Variants in COG5 observed in about 807,000 individuals in gnomAD.
COG5 encodes the protein conserved oligomeric Golgi complex subunit 5.
Under a neutral mutation model 110.4 loss-of-function variants are expected in COG5, and 86 were observed. That is an observed-to-expected ratio of 0.78 (90% confidence interval 0.65 to 0.93). The LOEUF (loss-of-function observed/expected upper bound fraction) is 0.93, where lower values mean the gene tolerates loss of function less well. Ranked by LOEUF, COG5 falls within the 40% of genes least tolerant of loss-of-function variation. COG5 has a pLI of 0.00. For synonymous variants in COG5, 360 were observed against 334.6 expected, an observed-to-expected ratio of 1.08 and a Z score of -0.83; for missense variants, 1,077 against 987.0, an observed-to-expected ratio of 1.09 and a Z score of -1.22.
At position 107,201,587 on chromosome 7, in the gene COG5, A is replaced by G; in HGVS notation, c.*1929T>C. ...TTGAAATGATTTAATAATATGAGTG[A>G]GGATTTGCTTTCTCCATTAGAGCAT... On this transcript the variant is annotated 3_prime_UTR_variant, in exon 22 of 22. Transcript: ENST00000297135. 2.2e-6 allele frequency: 1 copy of G among 460,952 alleles called. No individual in the cohort carries two copies. The highest frequency in any genetic ancestry group is 4.0e-6 in the Non-Finnish European group (1 of 251,022). The allele number at this position is 460,952 out of a possible 1,614,324, so 28.6% of individuals were successfully genotyped here. A position where few individuals can be genotyped will look rare whatever the true frequency, so the allele number is the denominator to read the frequency against.
chr7:107,467,363 A>AT (rs199820763), intron 6 of COG5, among the ~76,000 whole-genome samples: 126 of 149,890 alleles, frequency 8.4e-4, no homozygotes, highest in African/African-American at 2.8e-3. Flanking sequence ...AATTATTATT[A>AT]TTTTTTTTTT....
chr7:107,206,541 G>T lies in COG5; in HGVS notation c.2376-2911C>A, dbSNP rs547841749. On this transcript the variant is annotated intron_variant, in intron 21 of 21. Coordinates refer to ENST00000297135, the MANE Select transcript of COG5 (RefSeq NM_006348.5). Reference sequence around the variant, plus strand: ...TGTAGTCCCTACAGAATCATATACAGTAAAGAAATCCCCAAGGGCTCATCT... The same window carrying T: ...TGTAGTCCCTACAGAATCATATACATTAAAGAAATCCCCAAGGGCTCATCT... 5.3e-5 allele frequency among the ~76,000 whole-genome samples: 8 copies of T among 152,324 alleles called. No individual in the cohort carries two copies. In the East Asian group the frequency reaches 1.5e-3, roughly 29 times the overall value.
chr7:107,510,595 A>C (rs1799424480), intron 6 of COG5, among the ~76,000 whole-genome samples: 1 of 152,228 alleles, frequency 6.6e-6, no homozygotes, highest in South Asian at 2.1e-4. Flanking sequence ...CAGAATATAC[A>C]TTCTTTTCAG....
intron 5 of COG5, chr7:107,547,885 T>C (rs898517212): frequency 2.5e-5 from 13 of 512,420 alleles, no homozygotes; most frequent in African/African-American, 1.9e-4. Context: ...TTGAAGAAGA[T>C]ATAAGTTAAT....
At chr7:107,359,839 T>C (rs937099504) in intron 10 of COG5, among the ~76,000 whole-genome samples, 3 of 151,958 alleles carry the variant, frequency 2.0e-5, no homozygotes, top group African/African-American at 4.8e-5. Flanking sequence ...GATGTCAGGA[T>C]GACCAGCTTG....
At chr7:107,454,142 T>C (rs930522704) in intron 6 of COG5, among the ~76,000 whole-genome samples, 3 of 151,538 alleles carry the variant, frequency 2.0e-5, no homozygotes, top group South Asian at 4.1e-4. Context: ...TGAAAAATAA[T>C]AAAATTATGC....
At chr7:107,508,762 C>T (rs971615205) in intron 6 of COG5, among the ~76,000 whole-genome samples, 1 of 152,190 alleles carries the variant, frequency 6.6e-6, no homozygotes, top group Non-Finnish European at 1.5e-5. Flanking sequence ...TCTGCAGCCA[C>T]CGCTGCTGAT....
At chr7:107,479,618 C>A (rs1797197946) in intron 6 of COG5, among the ~76,000 whole-genome samples, 1 of 152,022 alleles carries the variant, frequency 6.6e-6, no homozygotes, top group Non-Finnish European at 1.5e-5. Flanking sequence ...TAAGGAAGAC[C>A]ATAAGAAACA....
At chr7:107,308,376 A>T (rs571011987) in intron 11 of COG5, among the ~76,000 whole-genome samples, 22 of 152,328 alleles carry the variant, frequency 1.4e-4, no homozygotes, top group African/African-American at 5.3e-4. Flanking sequence ...AGAGCAACCA[A>T]GTTGAAAACC....
intron 17 of COG5, among the ~76,000 whole-genome samples, chr7:107,240,246 C>A (rs1195862500): frequency 6.6e-6 from 1 of 152,196 alleles, no homozygotes; most frequent in Non-Finnish European, 1.5e-5. Context: ...GGATCTCACT[C>A]TGTCACTCAG....
chr7:107,247,859 T>A (rs908629169), intron 17 of COG5, among the ~76,000 whole-genome samples: 1 of 152,170 alleles, frequency 6.6e-6, no homozygotes, highest in Admixed American at 6.5e-5. Flanking sequence ...GATTAGATTG[T>A]CACATAACCT....
chr7:107,260,982 T>C (rs903962171), intron 14 of COG5, among the ~76,000 whole-genome samples: 11 of 151,770 alleles, frequency 7.2e-5, no homozygotes, highest in Non-Finnish European at 1.2e-4. Flanking sequence ...TTAGGAAATA[T>C]AGTCTCCCCT....
intron 5 of COG5, among the ~76,000 whole-genome samples, chr7:107,534,165 A>C (rs1801410561): frequency 6.6e-6 from 1 of 151,418 alleles, no homozygotes; most frequent in African/African-American, 2.5e-5. Context: ...TCCTGAAGGA[A>C]GCACTAAATA....
In COG5 at chr7:107,466,663, T is replaced by C. The variant is rs575469318; in HGVS notation, c.539-54031A>G. 4.6e-5 allele frequency among the ~76,000 whole-genome samples: 7 copies of C among 152,328 alleles called. No individual in the cohort carries two copies. In the South Asian group the frequency reaches 6.2e-4, roughly 14 times the overall value. ...CATTTCTATTTTTCTGATAAAGTAT[T>C]TGTTGTGAAAGAAATGTAAAGTTGA... On this transcript the variant is annotated intron_variant, in intron 6 of 21. Transcript: ENST00000297135.
intron 6 of COG5, among the ~76,000 whole-genome samples, chr7:107,512,221 C>T (rs1210643805): frequency 2.6e-5 from 4 of 152,072 alleles, no homozygotes; most frequent in Admixed American, 2.6e-4. Context: ...AATCAATGTG[C>T]AAAAATCACA....
intron 2 of COG5, among the ~76,000 whole-genome samples, chr7:107,555,179 T>C (rs1803216796): frequency 6.6e-6 from 1 of 152,172 alleles, no homozygotes; most frequent in Non-Finnish European, 1.5e-5. Context: ...CCTACAGATG[T>C]TTGATACTTT....
At chr7:107,359,773 C>A (rs908146651) in intron 10 of COG5, among the ~76,000 whole-genome samples, 1 of 152,150 alleles carries the variant, frequency 6.6e-6, no homozygotes, top group African/African-American at 2.4e-5. Flanking sequence ...ACGGGATGAC[C>A]TGCCAGCAGA....
intron 5 of COG5, among the ~76,000 whole-genome samples, chr7:107,535,924 T>G (rs1012423988): frequency 6.6e-6 from 1 of 152,158 alleles, no homozygotes; most frequent in Non-Finnish European, 1.5e-5. Context: ...ACTGGCAAAC[T>G]GAATCCAGCA....
rs933322066 is a variant in COG5 at position 107,563,625 on chromosome 7, C to A, written c.94+178G>T. On this transcript the variant is annotated intron_variant, in intron 1 of 21. Coordinates refer to ENST00000297135, the MANE Select transcript of COG5 (RefSeq NM_006348.5). ...AGACTCCAGAAAAGAGGGAGCCAGT[C>A]CCAGAGTAAATAGGTTGGCTAGAAC... 97 of 718,818 alleles carry A rather than the reference C, an allele frequency of 1.3e-4. No homozygotes were observed. In the Middle Eastern group the frequency reaches 2.2e-3, roughly 16 times the overall value. 44.5% of individuals were successfully genotyped at this position (718,818 alleles called of 1,614,324 possible).
Sources: gnomAD v4.1 joint callset for allele counts (sites outside exome capture counted in the v4.1 genomes callset) on GRCh38, gnomAD v4.1.1 for gene constraint, MANE v1.5 for transcripts, NCBI Gene and HGNC (gene_info 2026-07-23, HGNC 2026-07-21) for gene names.